The following PTPRB variants were observed in gnomAD, a reference collection of about 807,000 sequenced individuals.
The protein encoded by PTPRB is receptor-type tyrosine-protein phosphatase beta.
PTPRB carries 97 observed loss-of-function variants against 238.1 expected under a neutral mutation model. The observed-to-expected ratio is 0.41, with a 90% CI of 0.35 to 0.48. The LOEUF (loss-of-function observed/expected upper bound fraction) is 0.48, where lower values mean the gene tolerates loss of function less well. Ranked by LOEUF, PTPRB falls within the 20% of genes least tolerant of loss-of-function variation. PTPRB has a pLI of 0.30. For synonymous variants in PTPRB, 970 were observed against 995.4 expected (o/e 0.97, Z 0.48); for missense variants, 2,292 against 2,681.9 (o/e 0.85, Z 3.21).
rs571661217 is a variant in PTPRB, at chr12:70,598,736, AT to A, written c.980-2410del. Among the ~76,000 whole-genome samples the A allele has an allele frequency of 1.8e-3, 273 of 152,348 alleles. 1 individual carries two copies. The highest frequency in any genetic ancestry group is 3.0e-3 in the Non-Finnish European group (201 of 68,028). ...TCCAGTGATAGTTCAAAAGGGATCA[AT>A]ACTATCATCTACATGTACTATCAAG... On this transcript the variant is annotated intron_variant, in intron 4 of 33. Coordinates refer to ENST00000334414, the MANE Select transcript of PTPRB (RefSeq NM_001109754.4).
chr12:70,631,006 A>G (rs1011611175), intron 2 of PTPRB, among the ~76,000 whole-genome samples: 1 of 152,228 alleles, frequency 6.6e-6, no homozygotes, highest in Non-Finnish European at 1.5e-5. Context: ...ATACTGCCCA[A>G]GGTAATTTAT....
At chr12:70,593,605 T>C (rs913902947) in intron 6 of PTPRB, among the ~76,000 whole-genome samples, 1 of 148,144 alleles carries the variant, frequency 6.8e-6, no homozygotes, top group African/African-American at 2.5e-5. Context: ...TTGATGTACA[T>C]AAATAACTTT....
chr12:70,619,516 C>T (rs1462541801), intron 3 of PTPRB, among the ~76,000 whole-genome samples: 1 of 152,112 alleles, frequency 6.6e-6, no homozygotes, highest in Non-Finnish European at 1.5e-5. Context: ...AGTGATGTTG[C>T]ATGGTTCCAG....
chr12:70,524,409 C>G, intron 33 of PTPRB, 62 bp downstream of exon 33: 3 of 1,513,072 alleles, frequency 2.0e-6, no homozygotes, highest in Non-Finnish European at 2.7e-6. Context: ...GCCTCTATGC[C>G]TGGCCAGATT....
intron 16 of PTPRB, among the ~76,000 whole-genome samples, chr12:70,561,328 C>T (rs1878455520): frequency 6.6e-6 from 1 of 152,194 alleles, no homozygotes; most frequent in Non-Finnish European, 1.5e-5. Flanking sequence ...GGTCTCTTTA[C>T]ATCCTCTGTA....
intron 10 of PTPRB, among the ~76,000 whole-genome samples, chr12:70,578,782 C>T (rs1012634328): frequency 2.6e-5 from 4 of 152,172 alleles, no homozygotes; most frequent in Non-Finnish European, 5.9e-5. Flanking sequence ...TGAGAATCAA[C>T]CTGTGTGGCA....
At chr12:70,609,479 C>T in intron 3 of PTPRB, 140 bp from the exon 4 acceptor site, 1 of 1,172,140 alleles carries the variant, frequency 8.5e-7, no homozygotes. Context: ...TGCCCTCTGG[C>T]CAGAGAAGAG....
intron 2 of PTPRB, among the ~76,000 whole-genome samples, chr12:70,634,177 C>T (rs1411788201): frequency 1.3e-5 from 2 of 152,080 alleles, no homozygotes; most frequent in Non-Finnish European, 1.5e-5. Context: ...TAGTTAAATG[C>T]TTGTTTTAAC....
At chr12:70,623,672 A>G (rs1885047950) in intron 2 of PTPRB, among the ~76,000 whole-genome samples, 1 of 152,216 alleles carries the variant, frequency 6.6e-6, no homozygotes, top group Non-Finnish European at 1.5e-5. Flanking sequence ...CAATCAGATA[A>G]CTGTGCCTTT....
chr12:70,614,564 C>G (rs1010662734), intron 3 of PTPRB, among the ~76,000 whole-genome samples: 1 of 151,898 alleles, frequency 6.6e-6, no homozygotes, highest in African/African-American at 2.4e-5. Flanking sequence ...CAAAAACAAA[C>G]AAACAAAAAA....
intron 26 of PTPRB, 45 bp downstream of exon 26, chr12:70,539,577 TCTG>T (rs1289004787): frequency 1.4e-6 from 2 of 1,391,660 alleles, no homozygotes; most frequent in Non-Finnish European, 2.0e-6. Flanking sequence ...GGAAGGAAAT[TCTG>T]CTAAGAACTA....
At chr12:70,544,773 A>G (rs1875713862) in intron 21 of PTPRB, 110 bp from the exon 22 acceptor site, 4 of 610,084 alleles carry the variant, frequency 6.6e-6, no homozygotes, top group Non-Finnish European at 1.1e-5. Context: ...GTAGCAGGGT[A>G]GAATATGAGT....
At chr12:70,599,205 G>C (rs1351810085) in intron 4 of PTPRB, among the ~76,000 whole-genome samples, 1 of 152,100 alleles carries the variant, frequency 6.6e-6, no homozygotes, top group African/African-American at 2.4e-5. Context: ...TAATATGACT[G>C]TGTGTGTATG....
At chr12:70,598,705 G>C (rs1395930636) in intron 4 of PTPRB, among the ~76,000 whole-genome samples, 1 of 152,174 alleles carries the variant, frequency 6.6e-6, no homozygotes, top group Non-Finnish European at 1.5e-5. Context: ...GAGAGGGACA[G>C]CTGCTTCCAG....
In PTPRB at chr12:70,532,077, C is replaced by T; in HGVS notation, c.6462G>A (p.Val2154=). Reference sequence around the variant, plus strand: ...GAACCCTGTGAAGTCTTAGGTCGTGCACTGCTCCATAAATGTCCACAGAGT... The same window carrying T: ...GAACCCTGTGAAGTCTTAGGTCGTGTACTGCTCCATAAATGTCCACAGAGT... ...SKDSVDIYGA[V]HDLRLHRVHM... The change falls in exon 32 of 34, where the codon GTG becomes GTA. Residue 2154 remains valine, a synonymous_variant. Transcript: ENST00000334414. The T allele has an allele frequency of 1.2e-6, 2 of 1,613,938 alleles. No homozygotes were observed. Among genetic ancestry groups the T allele is most frequent in the Non-Finnish European group, 8.5e-7 (1 of 1,179,876 alleles).
chr12:70,561,602 T>C (rs944145896), intron 16 of PTPRB, among the ~76,000 whole-genome samples: 1 of 152,180 alleles, frequency 6.6e-6, no homozygotes, highest in African/African-American at 2.4e-5. Flanking sequence ...GCAATTCTAT[T>C]TGTGGTTGAA....
intron 11 of PTPRB, 130 bp downstream of exon 11, chr12:70,576,252 A>G: frequency 9.9e-7 from 1 of 1,009,418 alleles, no homozygotes; most frequent in South Asian, 1.7e-5. Flanking sequence ...TAAAATACGA[A>G]GACTTCATAA....
intron 2 of PTPRB, among the ~76,000 whole-genome samples, chr12:70,634,393 G>C (rs547074336): frequency 2.0e-5 from 3 of 152,278 alleles, no homozygotes; most frequent in African/African-American, 7.2e-5. Context: ...ACAGAATCTT[G>C]GAGGTGGTTG....
rs993342794 is a variant in PTPRB, at chr12:70,559,204, A to G, written c.4714+139T>C. ...ATGTTGAATGAACGAACAAATCTAC[A>G]GAGACTTCTGCCTGAATTCAAATCC... On this transcript the variant is annotated intron_variant, in intron 18 of 33. Coordinates refer to ENST00000334414, the MANE Select transcript of PTPRB (RefSeq NM_001109754.4). 146 of 924,454 alleles carry G rather than the reference A, an allele frequency of 1.6e-4. 1 individual carries two copies. Among genetic ancestry groups the G allele is most frequent in the Admixed American group, 2.4e-4 (12 of 49,880 alleles). The allele number at this position is 924,454 out of a possible 1,614,324, so 57.3% of individuals were successfully genotyped here. A position where few individuals can be genotyped will look rare whatever the true frequency, so the allele number is the denominator to read the frequency against.
Sources: gnomAD v4.1 joint callset for allele counts (sites outside exome capture counted in the v4.1 genomes callset) on GRCh38, gnomAD v4.1.1 for gene constraint, MANE v1.5 for transcripts, NCBI Gene and HGNC (gene_info 2026-07-23, HGNC 2026-07-21) for gene names.